Variants in ADAMTS18 observed in about 807,000 individuals in gnomAD.
The protein encoded by ADAMTS18 is ADAM metallopeptidase with thrombospondin type 1 motif 18.
A neutral mutation model predicts 165.9 loss-of-function variants in ADAMTS18; 157 were observed. The ratio of observed to expected loss-of-function variants is 0.95; its 90% CI spans 0.83 to 1.08. ADAMTS18 has a LOEUF of 1.08. ADAMTS18 is among the 50% of genes least tolerant of loss of function. The probability of loss-of-function intolerance (pLI) is 0.00; values close to 1 mark genes in which losing one functional copy is unlikely to be tolerated. For missense variants in ADAMTS18, 2,040 were observed against 1,534.0 expected (o/e 1.33, Z -5.51); for synonymous variants, 782 against 578.2 (o/e 1.35, Z -5.06).
intron 10 of ADAMTS18, among the ~76,000 whole-genome samples, chr16:77,351,583 A>C (rs536002324): frequency 3.2e-4 from 49 of 152,348 alleles, no homozygotes; most frequent in African/African-American, 1.2e-3. Context: ...GTATGTAATA[A>C]ATTTGTGATT....
chr16:77,370,519 G>A (rs1444742226), intron 3 of ADAMTS18, among the ~76,000 whole-genome samples: 8 of 152,150 alleles, frequency 5.3e-5, no homozygotes, highest in Admixed American at 5.2e-4. Context: ...GGAGGCCGAG[G>A]TGGGTGGATC....
intron 12 of ADAMTS18, among the ~76,000 whole-genome samples, chr16:77,326,245 G>A (rs2056094146): frequency 6.6e-6 from 1 of 152,034 alleles, no homozygotes; most frequent in African/African-American, 2.4e-5. Context: ...TCAATCAGGG[G>A]ATTTTTTTCT....
intron 16 of ADAMTS18, among the ~76,000 whole-genome samples, chr16:77,317,501 T>C (rs556632106): frequency 1.3e-3 from 196 of 152,272 alleles, no homozygotes; most frequent in African/African-American, 4.3e-3. Context: ...ACCCAGCTAA[T>C]TTTTGTATTT....
At chr16:77,340,791 C>A (rs908965036) in intron 11 of ADAMTS18, among the ~76,000 whole-genome samples, 9 of 152,088 alleles carry the variant, frequency 5.9e-5, no homozygotes, top group Non-Finnish European at 1.0e-4. Flanking sequence ...TGTTCTTGAA[C>A]TCCTGGCTTC....
intron 16 of ADAMTS18, among the ~76,000 whole-genome samples, chr16:77,311,362 T>C (rs1469817959): frequency 6.6e-6 from 1 of 152,240 alleles, no homozygotes; most frequent in Non-Finnish European, 1.5e-5. Context: ...GGAGTAAATA[T>C]ATGTTTGGCT....
At chr16:77,286,803 A>T (rs2055260679) in intron 22 of ADAMTS18, among the ~76,000 whole-genome samples, 1 of 152,150 alleles carries the variant, frequency 6.6e-6, no homozygotes, top group African/African-American at 2.4e-5. Flanking sequence ...CCCAGTTTCA[A>T]TGCAGTGTGA....
intron 3 of ADAMTS18, among the ~76,000 whole-genome samples, chr16:77,399,790 G>C (rs975731032): frequency 1.3e-5 from 2 of 152,130 alleles, no homozygotes; most frequent in Non-Finnish European, 2.9e-5. Context: ...ACCATGACTT[G>C]ATTACCACTA....
intron 3 of ADAMTS18, among the ~76,000 whole-genome samples, chr16:77,413,048 TA>T (rs888443324): frequency 3.6e-4 from 55 of 151,570 alleles, no homozygotes; most frequent in Admixed American, 6.6e-4. Context: ...TTTATATGTA[TA>T]AAAAAAAACT....
At chr16:77,321,055 A>G (rs2055988188) in intron 15 of ADAMTS18, 24 bp downstream of exon 15, 6 of 1,614,144 alleles carry the variant, frequency 3.7e-6, no homozygotes, top group African/African-American at 2.7e-5. Context: ...CTCATTAACA[A>G]TAACAAACAG....
Position 77,363,889 on chromosome 16 carries a change from T to C in ADAMTS18, c.973-4A>G. 1 of 1,613,822 alleles carries C rather than the reference T, an allele frequency of 6.2e-7. No homozygotes were observed. Among genetic ancestry groups the C allele is most frequent in the Non-Finnish European group, 8.5e-7 (1 of 1,179,862 alleles). On this transcript the variant is annotated splice_region_variant and splice_polypyrimidine_tract_variant and intron_variant, in intron 5 of 22. Transcript: ENST00000282849. The stretch of plus-strand genomic sequence containing the variant: ...CATCTTTAAATAGGCCAGAAACCTG[T>C]TGGAACAATGGAAATCAAACAAAAT...
At chr16:77,400,340 T>G (rs777844391) in intron 3 of ADAMTS18, among the ~76,000 whole-genome samples, 1 of 151,992 alleles carries the variant, frequency 6.6e-6, no homozygotes, top group African/African-American at 2.4e-5. Flanking sequence ...AGCCATCCTT[T>G]GGGGATGGAG....
At chr16:77,413,261 G>C (rs1169590374) in intron 3 of ADAMTS18, among the ~76,000 whole-genome samples, 1 of 151,936 alleles carries the variant, frequency 6.6e-6, no homozygotes, top group Non-Finnish European at 1.5e-5. Flanking sequence ...CTACTTTTTG[G>C]GCCTAAGGAA....
At chr16:77,431,932 C>T (rs1014086300) in intron 2 of ADAMTS18, among the ~76,000 whole-genome samples, 1 of 152,044 alleles carries the variant, frequency 6.6e-6, no homozygotes, top group African/African-American at 2.4e-5. Context: ...ATGGTCTGGG[C>T]CTTTTATAAT....
In ADAMTS18 at chr16:77,283,904, A is replaced by G; in HGVS notation, c.*52T>C. 1 of 1,381,556 alleles carries G rather than the reference A, an allele frequency of 7.2e-7. No homozygotes were observed. The highest frequency in any genetic ancestry group is 1.0e-6 in the Non-Finnish European group (1 of 970,338). The allele number at this position is 1,381,556 out of a possible 1,614,324, so 85.6% of individuals were successfully genotyped here. ...GGTCTCAAAGGCAGCTGGTCTCTCT[A>G]GAGGTTGAAAGGTAAGCCCCTGGCC... On this transcript the variant is annotated 3_prime_UTR_variant, in exon 23 of 23. Transcript: ENST00000282849.
At chr16:77,395,857 G>C (rs1340101792) in intron 3 of ADAMTS18, among the ~76,000 whole-genome samples, 2 of 152,076 alleles carry the variant, frequency 1.3e-5, no homozygotes, top group South Asian at 2.1e-4. Flanking sequence ...AAATGTGGTG[G>C]ATATGAGTTA....
chr16:77,362,271 G>T lies in ADAMTS18; in HGVS notation c.1057-7C>A. The stretch of plus-strand genomic sequence containing the variant: ...GGTTGATCAATAATCCTCCCTATGG[G>T]AAACCCACACAAATCAAAGTGTGAA... On this transcript the variant is annotated splice_polypyrimidine_tract_variant and splice_region_variant and intron_variant, in intron 6 of 22. Coordinates refer to ENST00000282849, the MANE Select transcript of ADAMTS18 (RefSeq NM_199355.4). 1 of 1,614,038 alleles carries T rather than the reference G, an allele frequency of 6.2e-7. No homozygotes were observed. Among genetic ancestry groups the T allele is most frequent in the Non-Finnish European group, 8.5e-7 (1 of 1,179,990 alleles).
chr16:77,368,359 T>C (rs1382284050), intron 3 of ADAMTS18, among the ~76,000 whole-genome samples: 1 of 152,106 alleles, frequency 6.6e-6, no homozygotes, highest in African/African-American at 2.4e-5. Context: ...GATGCCATGT[T>C]CACCACTGGA....
chr16:77,355,868 T>G (rs1258340737), intron 9 of ADAMTS18, 72 bp downstream of exon 9: 2 of 1,578,436 alleles, frequency 1.3e-6, no homozygotes, highest in Non-Finnish European at 1.7e-6. Flanking sequence ...GAGTATTCGT[T>G]TGCAGGTCTA....
rs188881404 is a variant in ADAMTS18, at chr16:77,292,813, A to G, written c.3189+263T>C. On this transcript the variant is annotated intron_variant, in intron 20 of 22. Coordinates refer to ENST00000282849, the MANE Select transcript of ADAMTS18 (RefSeq NM_199355.4). The stretch of plus-strand genomic sequence containing the variant: ...GCAGGTCAGCTGAGCATCTCAAGAA[A>G]CCTCCAGCAGTGACTTTTTTTTTTG... 5.9e-3 allele frequency among the ~76,000 whole-genome samples: 886 copies of G among 151,022 alleles called. 12 individuals carry two copies. Among genetic ancestry groups the G allele is most frequent in the African/African-American group, 0.021 (867 of 41,102 alleles).
Sources: allele counts gnomAD v4.1 joint callset (sites outside exome capture counted in the v4.1 genomes callset), GRCh38; gene constraint gnomAD v4.1.1; transcripts MANE v1.5; gene names NCBI Gene and HGNC (gene_info 2026-07-23, HGNC 2026-07-21).